GTF2E2: variants seen among roughly 807,000 people sequenced by gnomAD.
The protein encoded by GTF2E2 is transcription initiation factor IIE subunit beta.
Under a neutral mutation model 40.5 loss-of-function variants are expected in GTF2E2, and 21 were observed. The observed-to-expected ratio is 0.52, with a 90% CI of 0.37 to 0.75. The LOEUF is 0.75. Ranked by LOEUF, GTF2E2 falls within the 30% of genes least tolerant of loss-of-function variation. The probability of loss-of-function intolerance (pLI) is 0.00; values close to 1 mark genes in which losing one functional copy is unlikely to be tolerated. For missense variants in GTF2E2, 298 were observed against 338.4 expected, an observed-to-expected ratio of 0.88 and a Z score of 0.94; for synonymous variants, 117 against 121.6, an observed-to-expected ratio of 0.96 and a Z score of 0.25.
At chr8:30,632,454 G>C (rs1385963412) in intron 3 of GTF2E2, among the ~76,000 whole-genome samples, 1 of 152,076 alleles carries the variant, frequency 6.6e-6, no homozygotes, top group African/African-American at 2.4e-5. Flanking sequence ...GACTGGCTTT[G>C]TTAACTAGGA....
intron 2 of GTF2E2, chr8:30,638,552 T>C (rs564354753): frequency 1.3e-5 from 2 of 152,760 alleles, no homozygotes; most frequent in South Asian, 2.1e-4. Context: ...GTTCAACCAA[T>C]AGAAGCACAG....
intron 6 of GTF2E2, among the ~76,000 whole-genome samples, chr8:30,605,049 C>T (rs1373199873): frequency 6.6e-6 from 1 of 152,154 alleles, no homozygotes; most frequent in African/African-American, 2.4e-5. Flanking sequence ...CCTAAAATAA[C>T]CCCAAAGAAA....
chr8:30,651,116 GA>G (rs1470497168), intron 2 of GTF2E2, among the ~76,000 whole-genome samples: 1 of 152,078 alleles, frequency 6.6e-6, no homozygotes, highest in Non-Finnish European at 1.5e-5. Context: ...GCGTAAGAGT[GA>G]AAAACCGAAT....
At chr8:30,586,908 C>A (rs910154593) in intron 6 of GTF2E2, among the ~76,000 whole-genome samples, 2 of 152,108 alleles carry the variant, frequency 1.3e-5, no homozygotes, top group Non-Finnish European at 2.9e-5. Flanking sequence ...GAAAATACTA[C>A]AAGAAAACAC....
At chr8:30,606,749 G>A (rs1367914452) in intron 6 of GTF2E2, among the ~76,000 whole-genome samples, 1 of 152,142 alleles carries the variant, frequency 6.6e-6, no homozygotes, top group Non-Finnish European at 1.5e-5. Context: ...ATCAGGATAT[G>A]AACTTACATT....
intron 2 of GTF2E2, among the ~76,000 whole-genome samples, chr8:30,646,771 G>A (rs564552844): frequency 6.6e-6 from 1 of 152,222 alleles, no homozygotes; most frequent in Non-Finnish European, 1.5e-5. Flanking sequence ...CACAAGGTCA[G>A]GAGCTCAAGA....
intron 3 of GTF2E2, among the ~76,000 whole-genome samples, chr8:30,622,169 G>A (rs934135231): frequency 8.2e-6 from 1 of 122,672 alleles, no homozygotes; most frequent in East Asian, 2.3e-4. Context: ...TCCCCTTCCT[G>A]TGTCCAAGGG....
chr8:30,652,642 A>G (rs1486820752), intron 2 of GTF2E2, among the ~76,000 whole-genome samples: 1 of 152,176 alleles, frequency 6.6e-6, no homozygotes, highest in Non-Finnish European at 1.5e-5. Context: ...TGGTACAGCT[A>G]TTTTAGCAGT....
chr8:30,581,303 G>C (rs1176887326), intron 6 of GTF2E2, among the ~76,000 whole-genome samples: 1 of 152,086 alleles, frequency 6.6e-6, no homozygotes, highest in Non-Finnish European at 1.5e-5. Flanking sequence ...CCCTCACCCA[G>C]CGCCGCCCTC....
At chr8:30,620,133 T>C (rs1429749011) in intron 3 of GTF2E2, among the ~76,000 whole-genome samples, 2 of 152,010 alleles carry the variant, frequency 1.3e-5, no homozygotes, top group Non-Finnish European at 2.9e-5. Flanking sequence ...AGTCTGCCTT[T>C]TGAACCTCCG....
chr8:30,630,494 T>TTTGC (rs1434114641), intron 3 of GTF2E2, among the ~76,000 whole-genome samples: 25 of 152,198 alleles, frequency 1.6e-4, no homozygotes, highest in Non-Finnish European at 1.3e-4. Context: ...TTGCCTTTCT[T>TTTGC]TTGCTTTCTT....
chr8:30,607,717 G>A (rs573915948), intron 5 of GTF2E2, among the ~76,000 whole-genome samples: 1 of 152,258 alleles, frequency 6.6e-6, no homozygotes, highest in Non-Finnish European at 1.5e-5. Context: ...TTCAATCTTT[G>A]CTGCAATTAC....
intron 3 of GTF2E2, among the ~76,000 whole-genome samples, chr8:30,633,563 G>A (rs1183906689): frequency 6.6e-6 from 1 of 152,140 alleles, no homozygotes; most frequent in Non-Finnish European, 1.5e-5. Flanking sequence ...CAAACTGTAG[G>A]GAGCACAAGT....
chr8:30,653,173 T>C (rs1802339576), intron 2 of GTF2E2, among the ~76,000 whole-genome samples: 1 of 152,208 alleles, frequency 6.6e-6, no homozygotes, highest in Non-Finnish European at 1.5e-5. Flanking sequence ...CTTTGAACTG[T>C]AAACTTAAAA....
intron 6 of GTF2E2, among the ~76,000 whole-genome samples, chr8:30,588,421 A>G (rs1322427393): frequency 6.6e-6 from 1 of 152,230 alleles, no homozygotes. Context: ...GTCATTTGCA[A>G]CATGAATAAA....
intron 2 of GTF2E2, among the ~76,000 whole-genome samples, chr8:30,651,802 A>G (rs1802287139): frequency 6.6e-6 from 1 of 152,252 alleles, no homozygotes; most frequent in African/African-American, 2.4e-5. Flanking sequence ...TGATGGACTT[A>G]CATTTCTCAG....
intron 3 of GTF2E2, among the ~76,000 whole-genome samples, chr8:30,622,437 A>G (rs1447950031): frequency 1.6e-5 from 2 of 125,714 alleles, no homozygotes; most frequent in East Asian, 4.3e-4. Flanking sequence ...TCACAAGATA[A>G]TAGAGTATCA....
At chr8:30,590,538 CAAAAACTCTAACTCCTAGAGGA>C (rs1828815665) in intron 6 of GTF2E2, among the ~76,000 whole-genome samples, 1 of 152,118 alleles carries the variant, frequency 6.6e-6, no homozygotes, top group Admixed American at 6.6e-5. Flanking sequence ...ACACCATAAA[CAAAAACTCTAACTCCTAGAGGA>C]AAAACCCCTA....
At chr8:30,629,987 T>C (rs1319566650) in intron 3 of GTF2E2, among the ~76,000 whole-genome samples, 1 of 152,166 alleles carries the variant, frequency 6.6e-6, no homozygotes, top group Admixed American at 6.5e-5. Flanking sequence ...TAAAGTGCTG[T>C]CTCATATGAA....
Sources: allele counts gnomAD v4.1 joint callset (sites outside exome capture counted in the v4.1 genomes callset), GRCh38; gene constraint gnomAD v4.1.1; transcripts MANE v1.5; gene names NCBI Gene and HGNC (gene_info 2026-07-23, HGNC 2026-07-21).